The following RRM2B variants were observed in gnomAD, a reference collection of about 807,000 sequenced individuals.
RRM2B encodes the protein ribonucleotide reductase regulatory TP53 inducible subunit M2B.
RRM2B carries 20 observed loss-of-function variants against 45.9 expected under a neutral mutation model. That is an observed-to-expected ratio of 0.44 (90% CI 0.31 to 0.63). The LOEUF is 0.63. Ranked by LOEUF, RRM2B falls within the 30% of genes least tolerant of loss-of-function variation. RRM2B has a pLI of 0.09. For missense variants in RRM2B, 320 were observed against 414.7 expected, an observed-to-expected ratio of 0.77 and a Z score of 1.98; for synonymous variants, 124 against 132.3, an observed-to-expected ratio of 0.94 and a Z score of 0.43.
chr8:102,225,967 T>C lies in RRM2B; in HGVS notation c.272A>G (p.His91Arg). Residue 91 changes from histidine to arginine, a missense_variant, in exon 3 of 9, where the codon CAC becomes CGC. His to Arg is a conservative substitution (Grantham distance 29). This residue lies in a region of RRM2B where 225 missense variants were observed against 289.4 expected (regional missense o/e 0.78). Transcript: ENST00000251810. The stretch of plus-strand genomic sequence containing the variant: ...ACTGGCTGCAAAAAAGGCTAAGATG[T>C]GAGAGATGAAGTACTTCTCATCTGC... ...LKADEKYFIS[H>R]ILAFFAASDG... 2 of 1,613,038 alleles carry C rather than the reference T, an allele frequency of 1.2e-6. No homozygotes were observed. Among genetic ancestry groups the C allele is most frequent in the Non-Finnish European group, 1.7e-6 (2 of 1,179,120 alleles).
intron 1 of RRM2B, among the ~76,000 whole-genome samples, chr8:102,234,543 A>G (rs908240046): frequency 2.0e-5 from 3 of 152,184 alleles, no homozygotes; most frequent in African/African-American, 4.8e-5. Flanking sequence ...TTTAGAAGAA[A>G]AAAAAAATGT....
intron 1 of RRM2B, among the ~76,000 whole-genome samples, chr8:102,233,356 T>C (rs917140103): frequency 6.6e-6 from 1 of 152,206 alleles, no homozygotes; most frequent in African/African-American, 2.4e-5. Flanking sequence ...ACAGTACAGA[T>C]GGTCTTGATT....
chr8:102,228,292 G>C (rs2132558480), intron 2 of RRM2B, among the ~76,000 whole-genome samples: 1 of 152,274 alleles, frequency 6.6e-6, no homozygotes, highest in East Asian at 1.9e-4. Context: ...ACAGACTCCA[G>C]GAGAAGATTA....
intron 2 of RRM2B, 83 bp downstream of exon 2, chr8:102,232,066 G>T: frequency 8.1e-7 from 1 of 1,240,354 alleles, no homozygotes; most frequent in Admixed American, 1.7e-5. Flanking sequence ...CAATGTATAA[G>T]TTAAAGTTAT....
chr8:102,238,011 G>T (rs1172889538), intron 1 of RRM2B, among the ~76,000 whole-genome samples: 1 of 152,120 alleles, frequency 6.6e-6, no homozygotes, highest in East Asian at 1.9e-4. Context: ...TCCACAAAGG[G>T]CTTAGAAGTA....
chr8:102,219,995 T>C (rs921100754), intron 5 of RRM2B, among the ~76,000 whole-genome samples: 5 of 152,314 alleles, frequency 3.3e-5, no homozygotes, highest in Non-Finnish European at 7.4e-5. Flanking sequence ...TACCAGCACT[T>C]TGGTAGACCG....
At chr8:102,235,203 C>T (rs2132565716) in intron 1 of RRM2B, among the ~76,000 whole-genome samples, 1 of 152,216 alleles carries the variant, frequency 6.6e-6, no homozygotes, top group South Asian at 2.1e-4. Flanking sequence ...ATTGTACTAC[C>T]CATCTCTTGC....
chr8:102,214,059 C>G lies in RRM2B; in HGVS notation c.784G>C (p.Glu262Gln). 1.2e-6 allele frequency: 2 copies of G among 1,608,866 alleles called. No homozygotes were observed. Among genetic ancestry groups the G allele is most frequent in the Non-Finnish European group, 8.5e-7 (1 of 1,175,478 alleles). Residue 262 changes from glutamate (E) to glutamine (Q), a missense_variant, in exon 7 of 9, where the codon GAG (glutamate) becomes CAG (glutamine). Transcript: ENST00000251810. ...ACACAAACTTCCCGGTTTACCTGCTCAATTTTGACAGCATCAACAATGATC... is the reference window on the plus strand; with the variant it reads ...ACACAAACTTCCCGGTTTACCTGCTGAATTTTGACAGCATCAACAATGATC... ...REIIVDAVKI[E>Q]QEFLTEALPV...
chr8:102,225,228 C>CTTTT (rs918693739), intron 3 of RRM2B, among the ~76,000 whole-genome samples: 96 of 87,520 alleles, frequency 1.1e-3, no homozygotes, highest in East Asian at 1.9e-3. Flanking sequence ...ATAGTATATT[C>CTTTT]TTTTTTTTTT....
chr8:102,221,763 T>C (rs1024875224), intron 5 of RRM2B, among the ~76,000 whole-genome samples: 2 of 152,204 alleles, frequency 1.3e-5, no homozygotes, highest in Non-Finnish European at 2.9e-5. Context: ...TTCTAGGTTG[T>C]CCTTCTTGGG....
intron 5 of RRM2B, among the ~76,000 whole-genome samples, chr8:102,223,467 C>A (rs1191519198): frequency 6.6e-6 from 1 of 151,928 alleles, no homozygotes; most frequent in Non-Finnish European, 1.5e-5. Flanking sequence ...CCAAGGTGGG[C>A]GGGTCACCTG....
In RRM2B at chr8:102,205,393, G is replaced by A. The variant is rs180944985; in HGVS notation, c.*2740C>T. The A allele has an allele frequency of 6.6e-6, 1 of 152,210 alleles. No homozygotes were observed. The highest frequency in any genetic ancestry group is 1.5e-5 in the Non-Finnish European group (1 of 67,972). The allele number at this position is 152,210 out of a possible 1,614,324, so 9.4% of individuals were successfully genotyped here. On this transcript the variant is annotated 3_prime_UTR_variant, in exon 9 of 9. Coordinates refer to ENST00000251810, the MANE Select transcript of RRM2B (RefSeq NM_015713.5). ...CAGAAAAATATGGATGTTTCTAAAT[G>A]AGACAATGAGACAATTATAAAAATT...
rs1205812414 is a variant in RRM2B at position 102,207,783 on chromosome 8, C to T, written c.*350G>A. The T allele has an allele frequency of 1.0e-5, 2 of 196,044 alleles. No individual in the cohort carries two copies. Among genetic ancestry groups the T allele is most frequent in the African/African-American group, 2.4e-5 (1 of 42,224 alleles). 12.1% of individuals were successfully genotyped at this position (196,044 alleles called of 1,614,324 possible). The stretch of plus-strand genomic sequence containing the variant: ...TATGAATTTAGGACCTACTATTACT[C>T]CCATTTTAAAGATAAGTACACCGAG... On this transcript the variant is annotated 3_prime_UTR_variant, in exon 9 of 9. Coordinates refer to ENST00000251810, the MANE Select transcript of RRM2B (RefSeq NM_015713.5).
In RRM2B at chr8:102,224,131, TA is replaced by T; in HGVS notation, c.464del (p.Leu155TyrfsTer22). On this transcript the variant is annotated frameshift_variant, in exon 5 of 9. Coordinates refer to ENST00000251810, the MANE Select transcript of RRM2B (RefSeq NM_015713.5). LOFTEE classifies it high-confidence loss of function. ...AGGGCATGGTTTCAATTGCATTAAA[TA>T]AAAATTCCCTGTAAAAACAAAAGAA... ...YIRDPKKREF[L>X]FNAIETMPYV... 6.2e-7 allele frequency: 1 copy of T among 1,605,018 alleles called. No homozygotes were observed. Among genetic ancestry groups the T allele is most frequent in the Non-Finnish European group, 8.5e-7 (1 of 1,171,944 alleles).
chr8:102,238,709 G>C, intron 1 of RRM2B, 118 bp downstream of exon 1: 1 of 1,571,308 alleles, frequency 6.4e-7, no homozygotes, highest in Non-Finnish European at 8.6e-7. Context: ...CGGCGAGGGC[G>C]GGCGGACAGG....
chr8:102,232,205 G>C lies in RRM2B; in HGVS notation c.148C>G (p.Pro50Ala), dbSNP rs1272456013. The change falls in exon 2 of 9, where the codon CCT becomes GCT. Residue 50 changes from proline (P) to alanine (A), a missense_variant. Transcript: ENST00000251810. Reference sequence around the variant, plus strand: ...TGTTTATACATTTTCCAAATATCAGGGTACTGGATTGGAAAGATGACAAAC... The same window carrying C: ...TGTTTATACATTTTCCAAATATCAGCGTACTGGATTGGAAAGATGACAAAC... Reference protein sequence around the residue: ...RRFVIFPIQYPDIWKMYKQAQ... With the variant: ...RRFVIFPIQYADIWKMYKQAQ... 2.5e-6 allele frequency: 4 copies of C among 1,613,938 alleles called. No homozygotes were observed. The highest frequency in any genetic ancestry group is 3.4e-6 in the Non-Finnish European group (4 of 1,179,960).
At chr8:102,227,322 G>A (rs1810950535) in intron 2 of RRM2B, among the ~76,000 whole-genome samples, 1 of 151,918 alleles carries the variant, frequency 6.6e-6, no homozygotes, top group Non-Finnish European at 1.5e-5. Flanking sequence ...TTTTGAGATG[G>A]GGTTTCACTC....
At chr8:102,214,507 A>G (rs1423065578) in intron 6 of RRM2B, 6 of 268,400 alleles carry the variant, frequency 2.2e-5, no homozygotes, top group Non-Finnish European at 4.5e-5. Context: ...AAAAATAATT[A>G]AGGAATGATT....
chr8:102,223,851 A>G (rs1810877559), intron 5 of RRM2B, among the ~76,000 whole-genome samples, 195 bp downstream of exon 5: 1 of 152,220 alleles, frequency 6.6e-6, no homozygotes. Flanking sequence ...CAACTTATTA[A>G]GTAGAATAGG....
Sources: gnomAD v4.1 joint callset for allele counts (sites outside exome capture counted in the v4.1 genomes callset) on GRCh38, gnomAD v4.1.1 for gene constraint, gnomAD v4.1.1 regional missense constraint, MANE v1.5 for transcripts, NCBI Gene and HGNC (gene_info 2026-07-23, HGNC 2026-07-21) for gene names.